ANKRD11: variants seen among roughly 807,000 people sequenced by gnomAD.
ANKRD11 encodes ankyrin repeat domain 11.
Under a neutral mutation model 195.7 loss-of-function variants are expected in ANKRD11, and 17 were observed. That is an observed-to-expected ratio of 0.09 (90% CI 0.06 to 0.13). The LOEUF (loss-of-function observed/expected upper bound fraction) is 0.13. ANKRD11 is among the 10% of genes least tolerant of loss of function. The pLI is 1.00. For synonymous variants in ANKRD11, 1,953 were observed against 1,528.1 expected, an observed-to-expected ratio of 1.28 and a Z score of -6.49; for missense variants, 3,735 against 3,566.1, an observed-to-expected ratio of 1.05 and a Z score of -1.21.
At chr16:89,429,867 C>T (rs1204587976) in intron 1 of ANKRD11, among the ~76,000 whole-genome samples, 4 of 57,724 alleles carry the variant, frequency 6.9e-5, no homozygotes, top group African/African-American at 2.1e-4. Flanking sequence ...CACGCTCAGA[C>T]GTTCTAGTAC....
chr16:89,394,702 C>T (rs1005309536), intron 2 of ANKRD11, among the ~76,000 whole-genome samples: 21 of 151,776 alleles, frequency 1.4e-4, no homozygotes, highest in African/African-American at 4.6e-4. Context: ...ATAAAACCTG[C>T]GAAGACTGCT....
At chr16:89,294,026 C>T (rs1054196081) in intron 4 of ANKRD11, among the ~76,000 whole-genome samples, 2 of 152,108 alleles carry the variant, frequency 1.3e-5, no homozygotes, top group Non-Finnish European at 2.9e-5. Flanking sequence ...CAGCTCACAC[C>T]CAACATGTGC....
chr16:89,448,632 AC>A (rs1445971908), intron 1 of ANKRD11, among the ~76,000 whole-genome samples: 7 of 152,386 alleles, frequency 4.6e-5, no homozygotes, highest in African/African-American at 1.4e-4. Context: ...ATCTTCAAAT[AC>A]GCCTAATTAA....
chr16:89,336,781 G>A (rs1410369937), intron 2 of ANKRD11, among the ~76,000 whole-genome samples: 3 of 152,116 alleles, frequency 2.0e-5, no homozygotes, highest in East Asian at 1.9e-4. Context: ...TGATAAAAGG[G>A]TTTCAATACA....
At chr16:89,363,501 T>A (rs1466565400) in intron 2 of ANKRD11, among the ~76,000 whole-genome samples, 1 of 151,294 alleles carries the variant, frequency 6.6e-6, no homozygotes, top group Admixed American at 6.6e-5. Context: ...AAAGATTCAG[T>A]CTTGCAAAGT....
intron 3 of ANKRD11, among the ~76,000 whole-genome samples, chr16:89,307,732 G>A (rs1018019541): frequency 6.6e-6 from 1 of 152,368 alleles, no homozygotes; most frequent in East Asian, 1.9e-4. Context: ...GTCCCCACCT[G>A]GAATGAGATA....
intron 2 of ANKRD11, among the ~76,000 whole-genome samples, chr16:89,338,748 A>AAAAAAAG: frequency 6.6e-6 from 1 of 151,328 alleles, no homozygotes; most frequent in Non-Finnish European, 1.5e-5. Context: ...AAAAAAAAAA[A>AAAAAAAG]AAGAGCGAGC....
At chr16:89,393,160 G>A (rs2041270809) in intron 2 of ANKRD11, among the ~76,000 whole-genome samples, 1 of 151,982 alleles carries the variant, frequency 6.6e-6, no homozygotes, top group African/African-American at 2.4e-5. Flanking sequence ...CTCAGGACCT[G>A]GCACCTTCTT....
Position 89,281,043 on chromosome 16 carries a change from C to T in ANKRD11, c.5499G>A (p.Ala1833=), listed in dbSNP as rs770123251. The T allele has an allele frequency of 4.4e-6, 7 of 1,601,836 alleles. No individual in the cohort carries two copies. Among genetic ancestry groups the T allele is most frequent in the Middle Eastern group, 1.7e-4 (1 of 6,008 alleles). Residue 1833 remains alanine, a synonymous_variant, in exon 9 of 13, where the codon GCG becomes GCA. Transcript: ENST00000301030. The surrounding 1 kb of genome is among the most constrained non-coding windows in gnomAD (Gnocchi z 5.5). ...TCTCCGCGGGAACCGGGGGCAGGGGCGCCCTGTCTTCCATCGAGGGTGGCA... is the reference window on the plus strand; with the variant it reads ...TCTCCGCGGGAACCGGGGGCAGGGGTGCCCTGTCTTCCATCGAGGGTGGCA... ...SPMPPSMEDR[A]PLPPVPAEKF...
At chr16:89,342,511 G>C (rs923760657) in intron 2 of ANKRD11, among the ~76,000 whole-genome samples, 1 of 152,252 alleles carries the variant, frequency 6.6e-6, no homozygotes, top group African/African-American at 2.4e-5. Context: ...AGGCCAGCGT[G>C]AACTCGCTGC....
chr16:89,461,010 T>A (rs1350154430), intron 1 of ANKRD11, among the ~76,000 whole-genome samples: 2 of 110,084 alleles, frequency 1.8e-5, no homozygotes, highest in Non-Finnish European at 1.7e-5. Flanking sequence ...GTGGTGACAT[T>A]CATAACAGAA....
chr16:89,286,098 G>T lies in ANKRD11; in HGVS notation c.833C>A (p.Thr278Lys). ...TTTGCCTAACAGGAGGTTCACCATC[G>T]TGGGGGAGTTGGCCACTTTCAGCGG... ...ETPLKVANSP[T>K]MVNLLLGKGT... The change falls in exon 8 of 13, where the codon ACG becomes AAG. Residue 278 changes from threonine to lysine, a missense_variant. Thr to Lys is a moderately conservative substitution (Grantham distance 78). Transcript: ENST00000301030. The T allele has an allele frequency of 6.2e-7, 1 of 1,614,236 alleles. No homozygotes were observed. The highest frequency in any genetic ancestry group is 2.2e-5 in the East Asian group (1 of 44,880).
At chr16:89,408,337 G>A (rs926666944) in intron 2 of ANKRD11, among the ~76,000 whole-genome samples, 2 of 152,238 alleles carry the variant, frequency 1.3e-5, no homozygotes, top group African/African-American at 4.8e-5. Flanking sequence ...ACAAAGAGGC[G>A]TGAAGCTGGC....
chr16:89,440,334 G>A (rs536515683), intron 1 of ANKRD11, among the ~76,000 whole-genome samples: 3 of 152,322 alleles, frequency 2.0e-5, no homozygotes, highest in East Asian at 1.9e-4. Flanking sequence ...TCGGTCCAGC[G>A]TGGTGGCTCA....
At chr16:89,483,697 G>A (rs1387365937) in intron 1 of ANKRD11, among the ~76,000 whole-genome samples, 2 of 152,036 alleles carry the variant, frequency 1.3e-5, no homozygotes, top group Admixed American at 6.5e-5. Context: ...GAGTGGTGGC[G>A]CGTGCCTGTA....
chr16:89,270,311 G>T, intron 12 of ANKRD11: 1 of 243,828 alleles, frequency 4.1e-6, no homozygotes, highest in Non-Finnish European at 8.0e-6. Context: ...TGACTGTACA[G>T]GGTGACGCTG....
chr16:89,310,103 T>G (rs2036527384), intron 3 of ANKRD11, among the ~76,000 whole-genome samples: 1 of 152,260 alleles, frequency 6.6e-6, no homozygotes, highest in Non-Finnish European at 1.5e-5. Flanking sequence ...ATCTTTCTGG[T>G]AAGAATGAGA....
chr16:89,427,280 G>GA (rs1033226108), intron 1 of ANKRD11, among the ~76,000 whole-genome samples: 1 of 152,228 alleles, frequency 6.6e-6, no homozygotes, highest in African/African-American at 2.4e-5. Flanking sequence ...TAAGTGGAGG[G>GA]AAAAAATCCC....
At chr16:89,433,514 C>T (rs2043086806) in intron 1 of ANKRD11, among the ~76,000 whole-genome samples, 1 of 152,200 alleles carries the variant, frequency 6.6e-6, no homozygotes, top group South Asian at 2.1e-4. Context: ...GCTCCAGCAA[C>T]ACTAAAAGGC....
Sources: allele counts gnomAD v4.1 joint callset (sites outside exome capture counted in the v4.1 genomes callset), GRCh38; gene constraint gnomAD v4.1.1; non-coding constraint Gnocchi (gnomAD v3.1); transcripts MANE v1.5; gene names NCBI Gene and HGNC (gene_info 2026-07-23, HGNC 2026-07-21).